The following FKBP11 variants were observed in gnomAD, a reference collection of about 807,000 sequenced individuals.
FKBP11 encodes peptidyl-prolyl cis-trans isomerase FKBP11.
FKBP11 carries 21 observed loss-of-function variants against 24.7 expected under a neutral mutation model. The ratio of observed to expected loss-of-function variants is 0.85; its 90% confidence interval spans 0.60 to 1.23. The LOEUF (loss-of-function observed/expected upper bound fraction) is 1.23, where lower values mean the gene tolerates loss of function less well. Among genes scored for constraint, FKBP11 ranks in the 50% most tolerant of loss-of-function variants. The pLI, the probability that FKBP11 is intolerant of heterozygous loss-of-function variation, is 0.00. For missense variants in FKBP11, 245 were observed against 248.7 expected, an observed-to-expected ratio of 0.99 and a Z score of 0.10; for synonymous variants, 106 against 100.6, an observed-to-expected ratio of 1.05 and a Z score of -0.32.
Position 48,925,066 on chromosome 12 carries a change from T to C in FKBP11, c.175A>G (p.Thr59Ala), listed in dbSNP as rs979866403. ...PCAEPAAFGD[T>A]LHIHYTGSLV... ...CTCACCGTGTAGTGTATGTGAAGCG[T>C]GTCTCCAAAAGCAGCGGGCTCGGCA... Residue 59 changes from threonine (T) to alanine (A), a missense_variant, in exon 2 of 6, where the codon ACG (threonine) becomes GCG (alanine). Physicochemically the swap from Thr to Ala is moderately conservative, Grantham distance 58. Coordinates refer to ENST00000550765, the MANE Select transcript of FKBP11 (RefSeq NM_016594.3). 5 of 1,536,424 alleles carry C rather than the reference T, an allele frequency of 3.3e-6. No individual in the cohort carries two copies. Among genetic ancestry groups the C allele is most frequent in the Middle Eastern group, 1.7e-4 (1 of 5,716 alleles).
upstream of FKBP11, among the ~76,000 whole-genome samples, chr12:48,930,958 T>C (rs1940041164): frequency 6.6e-6 from 1 of 151,308 alleles, no homozygotes; most frequent in Non-Finnish European, 1.5e-5. Flanking sequence ...TGAAACCCCG[T>C]CTCTACTAAA....
At chr12:48,926,577 A>C (rs1592233081), upstream of FKBP11, 1 of 129,052 alleles carries the variant, frequency 7.7e-6, no homozygotes, top group Non-Finnish European at 1.6e-5. Context: ...CCCAGGCTGG[A>C]GTGCAATGGC....
chr12:48,933,846 G>A, the FKBP11 span, among the ~76,000 whole-genome samples: 1 of 151,630 alleles, frequency 6.6e-6, no homozygotes, highest in African/African-American at 2.4e-5. Context: ...CGGCCTGGGT[G>A]ACAGAGACTG....
the FKBP11 span, chr12:48,937,535 C>A: frequency 6.6e-6 from 1 of 152,414 alleles, no homozygotes; most frequent in Non-Finnish European, 1.5e-5. Flanking sequence ...CAAGCACTGA[C>A]AACCACTTCA....
intron 2 of FKBP11, 192 bp downstream of exon 2, chr12:48,924,854 A>T: frequency 6.9e-7 from 1 of 1,443,218 alleles, no homozygotes; most frequent in Non-Finnish European, 9.1e-7. Flanking sequence ...GCCAGGTAGG[A>T]ACTGGCAGAA....
the FKBP11 span, among the ~76,000 whole-genome samples, chr12:48,932,771 A>C: frequency 6.6e-6 from 1 of 152,116 alleles, no homozygotes; most frequent in Non-Finnish European, 1.5e-5. Context: ...TGGAGGGGTG[A>C]AGGTGGAAGT....
the FKBP11 span, chr12:48,935,694 A>G: frequency 6.6e-6 from 1 of 152,244 alleles, no homozygotes; most frequent in Admixed American, 6.5e-5. Flanking sequence ...CATCAGTTGT[A>G]AGAAGGATTA....
At chr12:48,925,002 G>A (rs767249200) in intron 2 of FKBP11, 44 bp downstream of exon 2, 15 of 1,576,608 alleles carry the variant, frequency 9.5e-6, no homozygotes, top group South Asian at 2.3e-5. Flanking sequence ...TCAGCAGGGC[G>A]CCGCCCCCTC....
At chr12:48,923,757 TGA>T (rs1939888809) in intron 5 of FKBP11, 23 bp downstream of exon 5, 2 of 1,610,446 alleles carry the variant, frequency 1.2e-6, no homozygotes, top group Non-Finnish European at 1.7e-6. Flanking sequence ...TTTGATGGCC[TGA>T]GAGAGAGTCC....
upstream of FKBP11, among the ~76,000 whole-genome samples, chr12:48,926,903 G>A (rs147045254): frequency 0.022 from 3,337 of 152,116 alleles, 127 homozygotes; most frequent in African/African-American, 0.075. Flanking sequence ...TCCACCTCCC[G>A]GGTTCAAGCG....
chr12:48,924,186 A>AG, intron 4 of FKBP11, 37 bp downstream of exon 4: 1 of 1,611,632 alleles, frequency 6.2e-7, no homozygotes, highest in Admixed American at 1.7e-5. Context: ...ACCCATGCAA[A>AG]GGGGGTACCC....
At chr12:48,932,251 A>ATTTTTTTTTTTT in the FKBP11 span, among the ~76,000 whole-genome samples, 1 of 39,144 alleles carries the variant, frequency 2.6e-5, no homozygotes, top group African/African-American at 1.1e-4. Context: ...ATATATATAT[A>ATTTTTTTTTTTT]TATATATATA....
chr12:48,928,818 C>CTTT (rs1196484675), upstream of FKBP11, among the ~76,000 whole-genome samples: 7,069 of 94,150 alleles, frequency 0.075, 712 homozygotes, highest in Non-Finnish European at 0.11. Flanking sequence ...AAACTTCTAT[C>CTTT]TTTTTTTTTT....
chr12:48,924,281 C>T, intron 3 of FKBP11, 25 bp from the exon 4 acceptor site: 1 of 1,614,126 alleles, frequency 6.2e-7, no homozygotes, highest in Non-Finnish European at 8.5e-7. Context: ...CACAACTGAA[C>T]TGGAAGCTAT....
chr12:48,935,377 C>A, the FKBP11 span, among the ~76,000 whole-genome samples: 1 of 152,130 alleles, frequency 6.6e-6, no homozygotes, highest in African/African-American at 2.4e-5. Context: ...TGCCTAAATC[C>A]TATCCCTTTC....
At chr12:48,934,675 T>C in the FKBP11 span, among the ~76,000 whole-genome samples, 37 of 152,108 alleles carry the variant, frequency 2.4e-4, no homozygotes, top group African/African-American at 8.9e-4. Flanking sequence ...CCCTTATCAT[T>C]ATGAGAGGTT....
In FKBP11 at chr12:48,922,476, G is replaced by A. The variant is rs1939858164; in HGVS notation, c.389-275C>T. 8 of 917,764 alleles carry A rather than the reference G, an allele frequency of 8.7e-6. No individual in the cohort carries two copies. The South Asian group carries it at 3.1e-4, about 36-fold the overall frequency. 56.9% of individuals were successfully genotyped at this position (917,764 alleles called of 1,614,324 possible). On this transcript the variant is annotated intron_variant, in intron 5 of 5. Transcript: ENST00000550765. ...ACTTTCTGTGAATATGAAATGTACAGGCTCTTCTCCATTTGTAAGTGGGAG... is the reference window on the plus strand; with the variant it reads ...ACTTTCTGTGAATATGAAATGTACAAGCTCTTCTCCATTTGTAAGTGGGAG...
chr12:48,933,698 CAA>C, the FKBP11 span, among the ~76,000 whole-genome samples: 8 of 103,288 alleles, frequency 7.7e-5, no homozygotes, highest in East Asian at 2.6e-4. Flanking sequence ...GACTCCGTCT[CAA>C]AAAAAAAAAA....
In FKBP11 at chr12:48,924,658, G is replaced by C. The variant is rs199543762; in HGVS notation, c.196-10C>G. The C allele has an allele frequency of 1.5e-5, 24 of 1,612,838 alleles. No homozygotes were observed. In the East Asian group the frequency reaches 5.1e-4, roughly 34 times the overall value. On this transcript the variant is annotated splice_polypyrimidine_tract_variant and intron_variant, in intron 2 of 5. Transcript: ENST00000550765. Reference sequence around the variant, plus strand: ...CATCTACCAAGCTTCCCTGGGGGGAGAGAGCATCAAGAGCATACATCTAGC... The same window carrying C: ...CATCTACCAAGCTTCCCTGGGGGGACAGAGCATCAAGAGCATACATCTAGC...
Sources: allele counts gnomAD v4.1 joint callset (sites outside exome capture counted in the v4.1 genomes callset), GRCh38; gene constraint gnomAD v4.1.1; transcripts MANE v1.5; gene names NCBI Gene and HGNC (gene_info 2026-07-23, HGNC 2026-07-21).